The following SPTBN2 variants were observed in gnomAD, a reference collection of about 807,000 sequenced individuals.
SPTBN2 encodes spectrin beta chain, non-erythrocytic 2.
Under a neutral mutation model 284.2 loss-of-function variants are expected in SPTBN2, and 107 were observed. The observed-to-expected ratio is 0.38, with a 90% CI of 0.32 to 0.44. SPTBN2 has a LOEUF of 0.44. SPTBN2 is among the 20% of genes least tolerant of loss of function. The probability of loss-of-function intolerance (pLI) is 1.00; values close to 1 mark genes in which losing one functional copy is unlikely to be tolerated. For missense variants in SPTBN2, 2,569 were observed against 3,287.1 expected, an observed-to-expected ratio of 0.78 and a Z score of 5.34; for synonymous variants, 1,289 against 1,354.8, an observed-to-expected ratio of 0.95 and a Z score of 1.07.
At chr11:66,732,014 G>A (rs555216079), upstream of SPTBN2, among the ~76,000 whole-genome samples, 3 of 152,322 alleles carry the variant, frequency 2.0e-5, no homozygotes, top group South Asian at 6.2e-4. Context: ...CATAACCTCA[G>A]ATCACCTGAG....
intron 30 of SPTBN2, 32 bp from the exon 31 acceptor site, chr11:66,688,881 G>A (rs1464522253): frequency 6.2e-7 from 1 of 1,608,450 alleles, no homozygotes; most frequent in Non-Finnish European, 8.5e-7. Context: ...GGAAGATGGT[G>A]GGTCAGAGTG....
rs1939923162 is a variant in SPTBN2, at chr11:66,683,582, A to G, written c.*2289T>C. On this transcript the variant is annotated 3_prime_UTR_variant, in exon 38 of 38. Coordinates refer to ENST00000533211, the MANE Select transcript of SPTBN2 (RefSeq NM_006946.4). Reference sequence around the variant, plus strand: ...CTCTTCTATGTCCTGTTCTTAAGGAATCATGCCCTGAAGTCCTGCTGCCGC... The same window carrying G: ...CTCTTCTATGTCCTGTTCTTAAGGAGTCATGCCCTGAAGTCCTGCTGCCGC... 6.6e-6 allele frequency among the ~76,000 whole-genome samples: 1 copy of G among 152,298 alleles called. No individual in the cohort carries two copies. The highest frequency in any genetic ancestry group is 6.5e-5 in the Admixed American group (1 of 15,298).
At chr11:66,741,358 A>G (rs550854703) in intron 1 of SPTBN2, among the ~76,000 whole-genome samples, 31 of 152,250 alleles carry the variant, frequency 2.0e-4, no homozygotes, top group Admixed American at 4.6e-4. Context: ...GTATCTGTTT[A>G]CTTCCCCTTC....
intron 3 of SPTBN2, among the ~76,000 whole-genome samples, chr11:66,717,453 G>GC (rs1346452552): frequency 6.6e-6 from 1 of 152,048 alleles, no homozygotes; most frequent in Non-Finnish European, 1.5e-5. Flanking sequence ...ACATTCCTAA[G>GC]CACCTCACCC....
At position 66,700,417 on chromosome 11, in the gene SPTBN2, G is replaced by A. The variant is rs537142709; in HGVS notation, c.3573+109C>T. ...TGGAATTTCAGGTGTGAACCACTGC[G>A]CTGCCCCATTTTGCTAGCATGTCCT... On this transcript the variant is annotated intron_variant, in intron 17 of 37. Coordinates refer to ENST00000533211, the MANE Select transcript of SPTBN2 (RefSeq NM_006946.4). The surrounding 1 kb of genome is among the most constrained non-coding windows in gnomAD (Gnocchi z 6.6). 1,251 of 1,483,568 alleles carry A rather than the reference G, an allele frequency of 8.4e-4. 1 individual carries two copies. The highest frequency in any genetic ancestry group is 9.9e-4 in the Non-Finnish European group (1,074 of 1,082,990). The allele number at this position is 1,483,568 out of a possible 1,614,324, so 91.9% of individuals were successfully genotyped here.
intron 1 of SPTBN2, among the ~76,000 whole-genome samples, chr11:66,741,750 A>G (rs185704370): frequency 7.7e-4 from 117 of 152,268 alleles, no homozygotes; most frequent in Middle Eastern, 3.4e-3. Flanking sequence ...ATAACTGATA[A>G]TTTCCAAAGT....
intron 3 of SPTBN2, among the ~76,000 whole-genome samples, chr11:66,720,546 T>C (rs1316173380): frequency 4.6e-5 from 7 of 151,872 alleles, no homozygotes; most frequent in Non-Finnish European, 8.8e-5. Flanking sequence ...CCAGGGAGAA[T>C]GGGCGGCTGC....
At chr11:66,722,485 A>G (rs1942459542) in intron 1 of SPTBN2, among the ~76,000 whole-genome samples, 1 of 148,204 alleles carries the variant, frequency 6.7e-6, no homozygotes, top group Non-Finnish European at 1.5e-5. Flanking sequence ...CTGAGGCAGG[A>G]GAATGGCGTG....
rs908729993 is a variant in SPTBN2 at position 66,696,529 on chromosome 11, C to T, written c.4026G>A (p.Glu1342=). ...TCAGCTCTGGCTTCTCAAGGGTGAG[C>T]TCTCGCCCTTCCTGGAAGGCAGGAC... ...WLDKVDKEGR[E]LTLEKPELKA... Residue 1342 remains glutamate (E), a synonymous_variant, in exon 21 of 38, where the codon GAG becomes GAA. Coordinates refer to ENST00000533211, the MANE Select transcript of SPTBN2 (RefSeq NM_006946.4). 6.2e-7 allele frequency: 1 copy of T among 1,611,612 alleles called. No homozygotes were observed.
chr11:66,688,183 G>A lies in SPTBN2; in HGVS notation c.6360C>T (p.Asp2120=), dbSNP rs775956335. ...CTGGCTCTCACCCGTCCCAGGTGGTGTCAGAAGCTGTCTGGCCGCCCACCA... is the reference window on the plus strand; with the variant it reads ...CTGGCTCTCACCCGTCCCAGGTGGTATCAGAAGCTGTCTGGCCGCCCACCA... The part of the protein sequence containing the change: ...GDLVGGQTAS[D]TTWDGTQPRP... The change falls in exon 32 of 38, where the codon GAC becomes GAT. Residue 2120 remains aspartate (D), a synonymous_variant. Transcript: ENST00000533211. The A allele has an allele frequency of 1.9e-6, 3 of 1,613,530 alleles. No individual in the cohort carries two copies. Among genetic ancestry groups the A allele is most frequent in the South Asian group, 1.1e-5 (1 of 91,090 alleles).
intron 1 of SPTBN2, among the ~76,000 whole-genome samples, chr11:66,737,244 C>T (rs902003591): frequency 1.3e-5 from 2 of 152,186 alleles, no homozygotes; most frequent in African/African-American, 4.8e-5. Context: ...CACAAGGATT[C>T]TTCAGTTTAT....
At chr11:66,704,292 G>A (rs1002137821) in intron 15 of SPTBN2, among the ~76,000 whole-genome samples, 3 of 152,118 alleles carry the variant, frequency 2.0e-5, no homozygotes, top group African/African-American at 7.2e-5. Context: ...ATTTCTTAAA[G>A]GGCACACCCT....
rs1239791692 is a variant in SPTBN2, at chr11:66,691,046, A to G, written c.5565+238T>C. Reference sequence around the variant, plus strand: ...TGGTCAGGCTGGTCTCGAACTCCCAATCTCAGATGATCCGCCCTCCTCGGC... The same window carrying G: ...TGGTCAGGCTGGTCTCGAACTCCCAGTCTCAGATGATCCGCCCTCCTCGGC... On this transcript the variant is annotated intron_variant, in intron 27 of 37. Coordinates refer to ENST00000533211, the MANE Select transcript of SPTBN2 (RefSeq NM_006946.4). This position sits in a 1 kb window ranked among gnomAD's most constrained non-coding sequence, Gnocchi z 8.0. Among the ~76,000 whole-genome samples the G allele has an allele frequency of 3.9e-5, 6 of 152,100 alleles. No homozygotes were observed. Among genetic ancestry groups the G allele is most frequent in the Admixed American group, 6.6e-5 (1 of 15,266 alleles).
rs771542741 is a variant in SPTBN2, at chr11:66,699,609, C to T, written c.3574-1G>A. On this transcript the variant is annotated splice_acceptor_variant, in intron 17 of 37. Transcript: ENST00000533211. LOFTEE classifies it high-confidence loss of function. ...TCTCCGTGTGAGACAGAACATATTC[C>T]TGTGTGGGAGGGATGACATTCAGCT... 2 of 1,613,998 alleles carry T rather than the reference C, an allele frequency of 1.2e-6. No individual in the cohort carries two copies. Among genetic ancestry groups the T allele is most frequent in the Non-Finnish European group, 1.7e-6 (2 of 1,179,994 alleles).
At chr11:66,725,680 C>T (rs1659178699) in intron 1 of SPTBN2, among the ~76,000 whole-genome samples, 1 of 152,180 alleles carries the variant, frequency 6.6e-6, no homozygotes, top group South Asian at 2.1e-4. Flanking sequence ...ACCTCAAGGC[C>T]AGGCCCAAGT....
intron 1 of SPTBN2, among the ~76,000 whole-genome samples, chr11:66,740,496 G>T (rs979767651): frequency 9.2e-5 from 14 of 152,144 alleles, no homozygotes; most frequent in Non-Finnish European, 7.3e-5. Context: ...GGAGGTGAGT[G>T]GTGAAGCTGC....
At position 66,705,108 on chromosome 11, in the gene SPTBN2, G is replaced by A. The variant is rs1405120191; in HGVS notation, c.2168C>T (p.Ala723Val). The change falls in exon 15 of 38, where the codon GCT becomes GTT. Residue 723 changes from alanine to valine, a missense_variant. By Grantham distance (64) the Ala-to-Val change is moderately conservative. This residue lies in a region of SPTBN2 where 1,012 missense variants were observed against 1,248.9 expected (regional missense o/e 0.81). Transcript: ENST00000533211. ...CCGCTCCCACTGGGCTTGGAGTTCA[G>A]CTGCACGGGCAGAGGCCTGGCTTGC... The part of the protein sequence containing the change: ...PGASQASARA[A>V]ELQAQWERLE... The A allele has an allele frequency of 1.3e-6, 2 of 1,555,914 alleles. No individual in the cohort carries two copies. Among genetic ancestry groups the A allele is most frequent in the Non-Finnish European group, 1.7e-6 (2 of 1,155,958 alleles).
chr11:66,689,768 A>G lies in SPTBN2; in HGVS notation c.5949+37T>C, dbSNP rs746978485. On this transcript the variant is annotated intron_variant, in intron 29 of 37. Transcript: ENST00000533211. ...CCAAGAAGTCAGCGTTCAGCACTGC[A>G]CAGTGAGAATGGCCCGGCCACCCAG... 1.1e-5 allele frequency: 17 copies of G among 1,610,926 alleles called. 1 individual carries two copies. Among genetic ancestry groups the G allele is most frequent in the Non-Finnish European group, 1.4e-5 (16 of 1,180,020 alleles).
At chr11:66,711,352 TG>T (rs2135494332) in intron 8 of SPTBN2, among the ~76,000 whole-genome samples, 1 of 152,256 alleles carries the variant, frequency 6.6e-6, no homozygotes, top group South Asian at 2.1e-4. Flanking sequence ...CATTGCTATG[TG>T]GGGATGGATC....
Sources: allele counts gnomAD v4.1 joint callset (sites outside exome capture counted in the v4.1 genomes callset), GRCh38; gene constraint gnomAD v4.1.1; regional missense constraint gnomAD v4.1.1; non-coding constraint Gnocchi (gnomAD v3.1); transcripts MANE v1.5; gene names NCBI Gene and HGNC (gene_info 2026-07-23, HGNC 2026-07-21).